Variants in DSCAML1 observed in about 807,000 individuals in gnomAD.
The protein encoded by DSCAML1 is DS cell adhesion molecule like 1.
Under a neutral mutation model 200.5 loss-of-function variants are expected in DSCAML1, and 38 were observed. The ratio of observed to expected loss-of-function variants is 0.19; its 90% CI spans 0.15 to 0.25. The LOEUF (loss-of-function observed/expected upper bound fraction) is 0.25. DSCAML1 is among the 10% of genes least tolerant of loss of function. DSCAML1 has a pLI of 1.00. For synonymous variants in DSCAML1, 1,215 were observed against 1,165.0 expected (o/e 1.04, Z -0.87); for missense variants, 2,223 against 2,858.8 (o/e 0.78, Z 5.07).
rs890743888 is a variant in DSCAML1 at position 117,642,040 on chromosome 11, C to G, written c.512-109518G>C. Reference sequence around the variant, plus strand: ...CCCACCCTGCCTCTCCCCACTCCAACAGCCCCTGGTGACAGCTCCCTTTTC... The same window carrying G: ...CCCACCCTGCCTCTCCCCACTCCAAGAGCCCCTGGTGACAGCTCCCTTTTC... On this transcript the variant is annotated intron_variant, in intron 3 of 32. Transcript: ENST00000651296. This position sits in a 1 kb window ranked among gnomAD's most constrained non-coding sequence, Gnocchi z 4.1. Among the ~76,000 whole-genome samples, 3 of 152,178 alleles carry G rather than the reference C, an allele frequency of 2.0e-5. No homozygotes were observed. Among genetic ancestry groups the G allele is most frequent in the Non-Finnish European group, 2.9e-5 (2 of 68,028 alleles).
intron 3 of DSCAML1, among the ~76,000 whole-genome samples, chr11:117,638,038 T>C (rs920356673): frequency 6.6e-6 from 1 of 152,100 alleles, no homozygotes; most frequent in African/African-American, 2.4e-5. Context: ...ATTAGCTCTG[T>C]GGAGGTGGTT....
At chr11:117,528,577 C>G (rs2050020230) in intron 4 of DSCAML1, among the ~76,000 whole-genome samples, 1 of 152,158 alleles carries the variant, frequency 6.6e-6, no homozygotes, top group South Asian at 2.1e-4. Flanking sequence ...TGCTGGGAAC[C>G]CTGCCCCCAT....
At chr11:117,539,694 A>G (rs2137362296) in intron 3 of DSCAML1, among the ~76,000 whole-genome samples, 1 of 152,166 alleles carries the variant, frequency 6.6e-6, no homozygotes. Flanking sequence ...TGAGCATTCA[A>G]AAGTCAAGAT....
intron 11 of DSCAML1, among the ~76,000 whole-genome samples, chr11:117,491,694 C>T (rs546246378): frequency 6.6e-6 from 1 of 152,238 alleles, no homozygotes; most frequent in East Asian, 1.9e-4. Context: ...GGATTGCTTG[C>T]ACCCAGGAGG....
intron 11 of DSCAML1, among the ~76,000 whole-genome samples, chr11:117,490,426 C>T (rs192485820): frequency 6.6e-6 from 1 of 152,308 alleles, no homozygotes; most frequent in African/African-American, 2.4e-5. Context: ...AACCCCCAGG[C>T]GTGGAGGTAG....
At chr11:117,649,656 T>A (rs555861028) in intron 3 of DSCAML1, among the ~76,000 whole-genome samples, 1 of 152,318 alleles carries the variant, frequency 6.6e-6, no homozygotes, top group East Asian at 1.9e-4. Flanking sequence ...TGTGAACTAA[T>A]GGCCCACTTT....
chr11:117,575,392 T>C (rs545037395), intron 3 of DSCAML1, among the ~76,000 whole-genome samples: 1 of 152,344 alleles, frequency 6.6e-6, no homozygotes, highest in Non-Finnish European at 1.5e-5. Flanking sequence ...GGGGACCTGA[T>C]AAGTTCCAAC....
intron 26 of DSCAML1, among the ~76,000 whole-genome samples, chr11:117,436,232 C>T (rs1294942857): frequency 6.6e-6 from 1 of 152,126 alleles, no homozygotes; most frequent in East Asian, 1.9e-4. Flanking sequence ...AAAACCACTA[C>T]AAACCCTACA....
rs547137880 is a variant in DSCAML1, at chr11:117,780,191, G to A, written c.364+302C>T. 7.9e-4 allele frequency among the ~76,000 whole-genome samples: 49 copies of A among 61,664 alleles called. 1 individual carries two copies. In the South Asian group the frequency reaches 0.028, roughly 35 times the overall value. 40.5% of individuals were successfully genotyped at this position (61,664 alleles called of 152,430 possible). A position where few individuals can be genotyped will look rare whatever the true frequency, so the allele number is the denominator to read the frequency against. ...AGAAAGAAAAAAAGAAAAAAAGAAA[G>A]AAAGAAAGAGAAAGAAAGAGAGAGA... On this transcript the variant is annotated intron_variant, in intron 2 of 32. Coordinates refer to ENST00000651296, the MANE Select transcript of DSCAML1 (RefSeq NM_020693.4). The surrounding 1 kb of genome is among the most constrained non-coding windows in gnomAD (Gnocchi z 4.8).
intron 3 of DSCAML1, among the ~76,000 whole-genome samples, chr11:117,735,176 A>G (rs1254158051): frequency 6.6e-6 from 1 of 152,180 alleles, no homozygotes; most frequent in Non-Finnish European, 1.5e-5. Context: ...GCTGGCCCCA[A>G]GTCCCCACTG....
At chr11:117,472,594 C>G (rs1201890302) in intron 14 of DSCAML1, among the ~76,000 whole-genome samples, 2 of 152,154 alleles carry the variant, frequency 1.3e-5, no homozygotes, top group Non-Finnish European at 2.9e-5. Flanking sequence ...CCAGTCCAAA[C>G]CCTACCCTCT....
chr11:117,499,160 G>GA (rs1009562326), intron 11 of DSCAML1, among the ~76,000 whole-genome samples: 1 of 152,146 alleles, frequency 6.6e-6, no homozygotes, highest in African/African-American at 2.4e-5. Context: ...TGTGTCAGTT[G>GA]AAGGGGGAAT....
At chr11:117,440,961 C>T (rs2048034384) in intron 21 of DSCAML1, among the ~76,000 whole-genome samples, 1 of 148,132 alleles carries the variant, frequency 6.8e-6, no homozygotes, top group Non-Finnish European at 1.5e-5. Flanking sequence ...GTGGTGTCCT[C>T]AGCCGATTTC....
At position 117,709,318 on chromosome 11, in the gene DSCAML1, G is replaced by C. The variant is rs186673827; in HGVS notation, c.511+67473C>G. Among the ~76,000 whole-genome samples, 204 of 152,324 alleles carry C rather than the reference G, an allele frequency of 1.3e-3. 1 individual carries two copies. The highest frequency in any genetic ancestry group is 4.5e-3 in the African/African-American group (186 of 41,578). ...GGTGCCAATGGGGTCAGAGACTGGGGAGGGCTCTCCCCTTGGGTTGCAGAT... is the reference window on the plus strand; with the variant it reads ...GGTGCCAATGGGGTCAGAGACTGGGCAGGGCTCTCCCCTTGGGTTGCAGAT... On this transcript the variant is annotated intron_variant, in intron 3 of 32. Coordinates refer to ENST00000651296, the MANE Select transcript of DSCAML1 (RefSeq NM_020693.4).
chr11:117,542,353 C>CAAA (rs200181397), intron 3 of DSCAML1, among the ~76,000 whole-genome samples: 3 of 150,782 alleles, frequency 2.0e-5, no homozygotes, highest in South Asian at 2.1e-4. Context: ...ACAACAACAA[C>CAAA]AAAAAAAAAA....
At chr11:117,669,322 G>A (rs141535337) in intron 3 of DSCAML1, among the ~76,000 whole-genome samples, 230 of 152,318 alleles carry the variant, frequency 1.5e-3, no homozygotes, top group East Asian at 7.7e-3. Flanking sequence ...ACGGGCCCTC[G>A]GGCTGGCTCT....
intron 1 of DSCAML1, among the ~76,000 whole-genome samples, chr11:117,811,711 C>T (rs12285052): frequency 0.55 from 83,782 of 151,868 alleles, 23,895 homozygotes; most frequent in African/African-American, 0.7. Context: ...CCCAAGGCTC[C>T]CTGACTGACT....
chr11:117,662,923 G>A (rs907999059), intron 3 of DSCAML1, among the ~76,000 whole-genome samples: 5 of 152,086 alleles, frequency 3.3e-5, no homozygotes, highest in Admixed American at 1.3e-4. Context: ...ATTGCCAGGC[G>A]GCATTTAAAT....
intron 3 of DSCAML1, among the ~76,000 whole-genome samples, chr11:117,580,237 T>C (rs1591289140): frequency 6.6e-6 from 1 of 152,240 alleles, no homozygotes; most frequent in Admixed American, 6.5e-5. Flanking sequence ...CTTCCTGGGC[T>C]GGCTGCCTCC....
Sources: allele counts gnomAD v4.1 joint callset (sites outside exome capture counted in the v4.1 genomes callset), GRCh38; gene constraint gnomAD v4.1.1; non-coding constraint Gnocchi (gnomAD v3.1); transcripts MANE v1.5; gene names NCBI Gene and HGNC (gene_info 2026-07-23, HGNC 2026-07-21).